Variants in FARP2 observed in about 807,000 individuals in gnomAD.
FARP2 encodes the protein FERM, ARH/RhoGEF and pleckstrin domain protein 2.
FARP2 carries 111 observed loss-of-function variants against 130.5 expected under a neutral mutation model. That is an observed-to-expected ratio of 0.85 (90% CI 0.73 to 1.00). The LOEUF (loss-of-function observed/expected upper bound fraction) is 1.00, where lower values mean the gene tolerates loss of function less well. Ranked by LOEUF, FARP2 falls within the 50% of genes least tolerant of loss-of-function variation. FARP2 has a pLI of 0.00. For missense variants in FARP2, 1,385 were observed against 1,346.3 expected (o/e 1.03, Z -0.45); for synonymous variants, 504 against 516.9 (o/e 0.98, Z 0.34).
intron 5 of FARP2, among the ~76,000 whole-genome samples, chr2:241,409,202 C>CT (rs1356592185): frequency 6.6e-6 from 1 of 151,766 alleles, no homozygotes; most frequent in African/African-American, 2.4e-5. Flanking sequence ...GTGGAGGATT[C>CT]TTTTTTCTGT....
intron 2 of FARP2, among the ~76,000 whole-genome samples, chr2:241,402,849 TATATATATATATATATATATATATATATA>T (rs1559734800): frequency 8.4e-4 from 7 of 8,334 alleles, no homozygotes; most frequent in Non-Finnish European, 1.5e-3. Flanking sequence ...TATATATATA[TATATATATATATATATATATATATATATA>T]TATTTTTTTT....
chr2:241,424,627 A>T (rs1288868629), intron 8 of FARP2, among the ~76,000 whole-genome samples: 1 of 152,196 alleles, frequency 6.6e-6, no homozygotes, highest in Non-Finnish European at 1.5e-5. Flanking sequence ...AACTGAAGAG[A>T]TAGAGACACA....
At chr2:241,463,106 A>G (rs961237499) in intron 15 of FARP2, among the ~76,000 whole-genome samples, 5 of 152,246 alleles carry the variant, frequency 3.3e-5, no homozygotes. Flanking sequence ...TTGTGAAGCT[A>G]TAAAGCTGCA....
At chr2:241,439,339 C>A (rs542838017) in intron 12 of FARP2, among the ~76,000 whole-genome samples, 1 of 150,836 alleles carries the variant, frequency 6.6e-6, no homozygotes, top group African/African-American at 2.4e-5. Context: ...ATTTTTTTTT[C>A]TTTTTTTTGA....
chr2:241,493,982 G>C, intron 26 of FARP2, 26 bp from the exon 27 acceptor site: 1 of 1,320,506 alleles, frequency 7.6e-7, no homozygotes, highest in African/African-American at 1.5e-5. Flanking sequence ...ATGGCTCACT[G>C]GTCTGATGGC....
chr2:241,455,735 C>CTTT lies in FARP2; in HGVS notation c.1412-992_1412-990dup, dbSNP rs1180839402. On this transcript the variant is annotated intron_variant, in intron 13 of 26. Coordinates refer to ENST00000264042, the MANE Select transcript of FARP2 (RefSeq NM_014808.4). ...TCCTTCTCTAAAACTCTAAAGTTTT[C>CTTT]TTTTTTTTTTTTTTTTTTTTTTGAG... Among the ~76,000 whole-genome samples, 388 of 94,768 alleles carry CTTT rather than the reference C, an allele frequency of 4.1e-3. 2 individuals carry two copies. The highest frequency in any genetic ancestry group is 9.3e-3 in the Middle Eastern group (1 of 108). 62.2% of individuals were successfully genotyped at this position (94,768 alleles called of 152,430 possible). A position where few individuals can be genotyped will look rare whatever the true frequency, so the allele number is the denominator to read the frequency against.
intron 8 of FARP2, among the ~76,000 whole-genome samples, chr2:241,427,203 C>T (rs1418417975): frequency 6.6e-6 from 1 of 152,130 alleles, no homozygotes; most frequent in Non-Finnish European, 1.5e-5. Flanking sequence ...CCATTGCACT[C>T]CAGCCTGGGC....
chr2:241,373,898 A>G (rs2061478077), intron 2 of FARP2, among the ~76,000 whole-genome samples: 2 of 152,230 alleles, frequency 1.3e-5, no homozygotes, highest in African/African-American at 4.8e-5. Flanking sequence ...CTAAGAATAT[A>G]TGCATATATC....
At chr2:241,378,742 G>C (rs1454462303) in intron 2 of FARP2, among the ~76,000 whole-genome samples, 1 of 152,170 alleles carries the variant, frequency 6.6e-6, no homozygotes, top group Non-Finnish European at 1.5e-5. Flanking sequence ...TTTTGATCAG[G>C]AGAGAAATCT....
chr2:241,442,916 G>C (rs978687357), intron 13 of FARP2: 8 of 202,522 alleles, frequency 4.0e-5, no homozygotes, highest in African/African-American at 1.4e-4. Context: ...TATTGATGCT[G>C]CTTTTCAAGA....
At chr2:241,361,644 G>A (rs529440819) in intron 1 of FARP2, among the ~76,000 whole-genome samples, 2 of 152,262 alleles carry the variant, frequency 1.3e-5, no homozygotes, top group East Asian at 3.9e-4. Flanking sequence ...AGGAGTTGGT[G>A]CAAGTGAGGG....
In FARP2 at chr2:241,441,340, T is replaced by C; in HGVS notation, c.1195T>C (p.Ser399Pro). The C allele has an allele frequency of 6.2e-7, 1 of 1,611,654 alleles. No individual in the cohort carries two copies. The highest frequency in any genetic ancestry group is 8.5e-7 in the Non-Finnish European group (1 of 1,178,036). The change falls in exon 13 of 27, where the codon TCC becomes CCC. Residue 399 changes from serine (S) to proline (P), a missense_variant. By Grantham distance (74) the Ser-to-Pro change is moderately conservative. Coordinates refer to ENST00000264042, the MANE Select transcript of FARP2 (RefSeq NM_014808.4). ...CCCCGAGGGATTGAGGACTCCTGCCTCCCCATCTTCAGCGAATGCCTTTTA... is the reference window on the plus strand; with the variant it reads ...CCCCGAGGGATTGAGGACTCCTGCCCCCCCATCTTCAGCGAATGCCTTTTA... ...SFPEGLRTPA[S>P]PSSANAFYSL...
intron 13 of FARP2, among the ~76,000 whole-genome samples, chr2:241,447,456 G>A (rs931851472): frequency 6.6e-5 from 10 of 152,128 alleles, no homozygotes; most frequent in African/African-American, 9.7e-5. Flanking sequence ...GCTGGGTGTC[G>A]GGGAGGACGT....
intron 1 of FARP2, among the ~76,000 whole-genome samples, chr2:241,370,666 T>G (rs1393384690): frequency 6.6e-6 from 1 of 152,226 alleles, no homozygotes; most frequent in Non-Finnish European, 1.5e-5. Flanking sequence ...CAGAACTTCA[T>G]ATATCTCATG....
intron 13 of FARP2, chr2:241,445,937 C>A (rs1274466544): frequency 6.6e-6 from 1 of 152,214 alleles, no homozygotes; most frequent in East Asian, 1.9e-4. Flanking sequence ...GGGACGCAAT[C>A]CTGCAGCAGT....
chr2:241,424,485 T>TA (rs1375259804), intron 8 of FARP2, among the ~76,000 whole-genome samples: 3 of 152,164 alleles, frequency 2.0e-5, no homozygotes, highest in Non-Finnish European at 4.4e-5. Context: ...TTTATAGTAC[T>TA]AAATGCCCAC....
intron 13 of FARP2, among the ~76,000 whole-genome samples, chr2:241,448,232 T>C (rs1275096262): frequency 6.6e-6 from 1 of 152,066 alleles, no homozygotes; most frequent in African/African-American, 2.4e-5. Context: ...ATCACCCTCC[T>C]GGTCCTGGGG....
At chr2:241,403,751 T>A in intron 2 of FARP2, 77 bp from the exon 3 acceptor site, 1 of 810,390 alleles carries the variant, frequency 1.2e-6, no homozygotes, top group South Asian at 1.8e-5. Context: ...GGGAAAGTAG[T>A]TTTATGCACA....
intron 13 of FARP2, among the ~76,000 whole-genome samples, chr2:241,453,595 C>T (rs1389981002): frequency 6.6e-6 from 1 of 150,648 alleles, no homozygotes; most frequent in Non-Finnish European, 1.5e-5. Context: ...GCACTCCAGC[C>T]TGGGTGAAAG....
Sources: allele counts gnomAD v4.1 joint callset (sites outside exome capture counted in the v4.1 genomes callset), GRCh38; gene constraint gnomAD v4.1.1; transcripts MANE v1.5; gene names NCBI Gene and HGNC (gene_info 2026-07-23, HGNC 2026-07-21).